Variants in ALDH1A3 observed in about 807,000 individuals in gnomAD.
ALDH1A3 encodes aldehyde dehydrogenase 1 family member A3.
A neutral mutation model predicts 57.5 loss-of-function variants in ALDH1A3; 28 were observed. The ratio of observed to expected loss-of-function variants is 0.49; its 90% confidence interval spans 0.36 to 0.67. ALDH1A3 has a LOEUF of 0.67. Ranked by LOEUF, ALDH1A3 falls within the 30% of genes least tolerant of loss-of-function variation. The pLI is 0.00. For synonymous variants in ALDH1A3, 281 were observed against 264.8 expected, an observed-to-expected ratio of 1.06 and a Z score of -0.59; for missense variants, 507 against 669.4, an observed-to-expected ratio of 0.76 and a Z score of 2.68.
intron 12 of ALDH1A3, among the ~76,000 whole-genome samples, chr15:100,909,039 C>T (rs1357246871): frequency 1.3e-5 from 2 of 151,524 alleles, no homozygotes; most frequent in African/African-American, 2.4e-5. Context: ...CACTGCAAAC[C>T]CCTCCATGCG....
At chr15:100,897,284 G>A (rs753442953) in intron 7 of ALDH1A3, among the ~76,000 whole-genome samples, 3 of 152,208 alleles carry the variant, frequency 2.0e-5, no homozygotes, top group African/African-American at 7.2e-5. Context: ...CCTGGGCCGC[G>A]CCTTGCTAGC....
At chr15:100,888,300 T>C (rs2041616855) in intron 3 of ALDH1A3, among the ~76,000 whole-genome samples, 1 of 152,112 alleles carries the variant, frequency 6.6e-6, no homozygotes, top group Non-Finnish European at 1.5e-5. Flanking sequence ...GGTTTCATCA[T>C]GTTGGCCAGG....
Position 100,900,562 on chromosome 15 carries a change from C to G in ALDH1A3, c.884-13C>G. 6.4e-7 allele frequency: 1 copy of G among 1,569,526 alleles called. No homozygotes were observed. The highest frequency in any genetic ancestry group is 1.9e-5 in the Admixed American group (1 of 53,128). On this transcript the variant is annotated splice_polypyrimidine_tract_variant and intron_variant, in intron 8 of 12. Coordinates refer to ENST00000329841, the MANE Select transcript of ALDH1A3 (RefSeq NM_000693.4). The stretch of plus-strand genomic sequence containing the variant: ...TCTCGCTCTGCCCGCCTCCCTCGCC[C>G]CTCCCCCTCCAGTGGACTTGGCAGT...
chr15:100,892,456 A>T, intron 3 of ALDH1A3, 54 bp from the exon 4 acceptor site: 1 of 1,608,464 alleles, frequency 6.2e-7, no homozygotes. Flanking sequence ...ACAACCTGAC[A>T]GTGCAAAAGA....
In ALDH1A3 at chr15:100,916,317, T is replaced by A. The variant is rs557811477; in HGVS notation, c.*1544T>A. The A allele has an allele frequency of 3.3e-5, 5 of 152,354 alleles. No homozygotes were observed. Among genetic ancestry groups the A allele is most frequent in the Non-Finnish European group, 5.9e-5 (4 of 68,042 alleles). 9.4% of individuals were successfully genotyped at this position (152,354 alleles called of 1,614,324 possible). A position where few individuals can be genotyped will look rare whatever the true frequency, so the allele number is the denominator to read the frequency against. On this transcript the variant is annotated 3_prime_UTR_variant, in exon 13 of 13. Coordinates refer to ENST00000329841, the MANE Select transcript of ALDH1A3 (RefSeq NM_000693.4). ...AAGTAGATATAGACACTAACCTTGA[T>A]AGTGATACGTTAGAGGGTTCCTATT...
chr15:100,891,591 G>C (rs910315860), intron 3 of ALDH1A3, among the ~76,000 whole-genome samples: 2 of 152,254 alleles, frequency 1.3e-5, no homozygotes, highest in Non-Finnish European at 2.9e-5. Flanking sequence ...CTCAAAGGGT[G>C]AGACATCGGG....
chr15:100,897,099 C>G (rs982823502), intron 7 of ALDH1A3, among the ~76,000 whole-genome samples: 1 of 152,214 alleles, frequency 6.6e-6, no homozygotes, highest in African/African-American at 2.4e-5. Context: ...ATCAGTGTCC[C>G]CATCCCCCTC....
chr15:100,910,098 C>G (rs2041867992), intron 12 of ALDH1A3, among the ~76,000 whole-genome samples: 1 of 152,178 alleles, frequency 6.6e-6, no homozygotes, highest in Admixed American at 6.5e-5. Flanking sequence ...TGTTCTTGAC[C>G]AGTCTATGTG....
chr15:100,890,290 T>C (rs915630896), intron 3 of ALDH1A3, among the ~76,000 whole-genome samples: 7 of 152,212 alleles, frequency 4.6e-5, no homozygotes, highest in Admixed American at 1.3e-4. Flanking sequence ...CTTAAAATGT[T>C]AAAGGAAATA....
intron 1 of ALDH1A3, among the ~76,000 whole-genome samples, chr15:100,882,277 C>T (rs1345947610): frequency 3.3e-5 from 5 of 152,214 alleles, no homozygotes; most frequent in Non-Finnish European, 7.3e-5. Context: ...GTTAACATTT[C>T]ATTCTCTAGG....
chr15:100,912,247 A>C (rs1484802197), intron 12 of ALDH1A3, among the ~76,000 whole-genome samples: 1 of 152,246 alleles, frequency 6.6e-6, no homozygotes, highest in African/African-American at 2.4e-5. Context: ...CTGCCACATG[A>C]AAAATGGGCT....
intron 3 of ALDH1A3, among the ~76,000 whole-genome samples, chr15:100,891,638 G>T (rs188743993): frequency 1.3e-5 from 2 of 152,302 alleles, no homozygotes; most frequent in Admixed American, 1.3e-4. Flanking sequence ...TCTGAGGAGG[G>T]GCCTTCTTCC....
At chr15:100,892,698 A>C in intron 4 of ALDH1A3, 59 bp downstream of exon 4, 1 of 1,551,188 alleles carries the variant, frequency 6.4e-7, no homozygotes, top group Non-Finnish European at 8.7e-7. Context: ...TCTTTTCATT[A>C]ATCCAGAGCC....
chr15:100,914,763 A>G lies in ALDH1A3; in HGVS notation c.1529A>G (p.Lys510Arg). The stretch of plus-strand genomic sequence containing the variant: ...ACTGTCACCATCAAACTTGGCGACA[A>G]GAACCCCTGAAGGAAAGGCGGGGCT... Reference protein sequence around the residue: ...VKTVTIKLGDKNP With the variant: ...VKTVTIKLGDRNP The change falls in exon 13 of 13, where the codon AAG becomes AGG. Residue 510 changes from lysine to arginine, a missense_variant. By Grantham distance (26) the Lys-to-Arg change is conservative (BLOSUM62 2). This residue lies in a region of ALDH1A3 where 432 missense variants were observed against 608.4 expected (regional missense o/e 0.71). Coordinates refer to ENST00000329841, the MANE Select transcript of ALDH1A3 (RefSeq NM_000693.4). 1.2e-6 allele frequency: 2 copies of G among 1,614,114 alleles called. No homozygotes were observed. Among genetic ancestry groups the G allele is most frequent in the East Asian group, 2.2e-5 (1 of 44,890 alleles).
At chr15:100,890,409 T>C (rs1225812254) in intron 3 of ALDH1A3, among the ~76,000 whole-genome samples, 3 of 152,054 alleles carry the variant, frequency 2.0e-5, no homozygotes, top group Non-Finnish European at 4.4e-5. Context: ...ACCTGCATAA[T>C]TTTTTTTAAT....
In ALDH1A3 at chr15:100,900,678, G is replaced by A. The variant is rs146381363; in HGVS notation, c.987G>A (p.Glu329=). ...TCGTGGAGGAGCAGGTCTACTCTGA[G>A]TTTGTCAGGCGGAGCGTGGAGTATG... The part of the protein sequence containing the change: ...RVFVEEQVYS[E]FVRRSVEYAK... The change falls in exon 9 of 13, where the codon GAG becomes GAA. Residue 329 remains glutamate, a synonymous_variant. Coordinates refer to ENST00000329841, the MANE Select transcript of ALDH1A3 (RefSeq NM_000693.4). 159 of 1,614,152 alleles carry A rather than the reference G, an allele frequency of 9.9e-5. No individual in the cohort carries two copies. The African/African-American group carries it at 1.9e-3, about 19-fold the overall frequency.
intron 1 of ALDH1A3, among the ~76,000 whole-genome samples, chr15:100,882,007 G>A (rs2041551988): frequency 6.6e-6 from 1 of 152,248 alleles, no homozygotes; most frequent in Admixed American, 6.5e-5. Context: ...GAGGGAAGGA[G>A]CGGGATAAAC....
At chr15:100,880,300 T>TA (rs1339423214) in intron 1 of ALDH1A3, 9 of 377,790 alleles carry the variant, frequency 2.4e-5, no homozygotes, top group Admixed American at 2.3e-4. Flanking sequence ...GACGTGTCCC[T>TA]GCGCTGCCCG....
rs2041913416 is a variant in ALDH1A3 at position 100,914,732 on chromosome 15, G to A, written c.1498G>A (p.Val500Met). The A allele has an allele frequency of 1.9e-6, 3 of 1,614,008 alleles. No homozygotes were observed. The highest frequency in any genetic ancestry group is 2.5e-6 in the Non-Finnish European group (3 of 1,180,022). Residue 500 changes from valine to methionine, a missense_variant, in exon 13 of 13, where the codon GTG becomes ATG. Coordinates refer to ENST00000329841, the MANE Select transcript of ALDH1A3 (RefSeq NM_000693.4). ...ATACGCTTTGGCCGAATACACAGAA[G>A]TGAAAACTGTCACCATCAAACTTGG... is the stretch of plus-strand genomic sequence containing the variant. ...GEYALAEYTE[V>M]KTVTIKLGDK... is the part of the protein sequence containing the mutation.
Sources: gnomAD v4.1 joint callset for allele counts (sites outside exome capture counted in the v4.1 genomes callset) on GRCh38, gnomAD v4.1.1 for gene constraint, gnomAD v4.1.1 regional missense constraint, MANE v1.5 for transcripts, NCBI Gene and HGNC (gene_info 2026-07-23, HGNC 2026-07-21) for gene names.